The following MEX3D variants were observed in gnomAD, a reference collection of about 807,000 sequenced individuals.
The protein encoded by MEX3D is mex-3 RNA binding family member D, also known as RNA-binding protein MEX3D.
MEX3D carries 4 observed loss-of-function variants against 6.3 expected under a neutral mutation model. That is an observed-to-expected ratio of 0.64 (90% CI 0.31 to 1.46). The LOEUF is 1.46. Among genes scored for constraint, MEX3D ranks in the 40% most tolerant of loss-of-function variants. MEX3D has a pLI of 0.07. For synonymous variants in MEX3D, 626 were observed against 494.1 expected, an observed-to-expected ratio of 1.27 and a Z score of -3.54; for missense variants, 1,038 against 994.4, an observed-to-expected ratio of 1.04 and a Z score of -0.59.
chr19:1,560,452 G>A (rs1328887994), intron 1 of MEX3D, among the ~76,000 whole-genome samples: 3 of 152,226 alleles, frequency 2.0e-5, no homozygotes, highest in African/African-American at 7.2e-5. Context: ...GTGCAGCATG[G>A]GGTCCTCCCT....
chr19:1,567,309 A>C lies in MEX3D; in HGVS notation c.595+155T>G, dbSNP rs566809908. Among the ~76,000 whole-genome samples, 1 of 151,754 alleles carries C rather than the reference A, an allele frequency of 6.6e-6. No individual in the cohort carries two copies. The highest frequency in any genetic ancestry group is 2.1e-4 in the South Asian group (1 of 4,820). On this transcript the variant is annotated intron_variant, in intron 1 of 1. Coordinates refer to ENST00000402693, the MANE Select transcript of MEX3D (RefSeq NM_203304.4). The surrounding 1 kb of genome is among the most constrained non-coding windows in gnomAD (Gnocchi z 6.5). ...TTTCTCCCGCGGCGGCTGCAGGACA[A>C]AGGCGCAAAGGCAGCGGCCGAGGCC...
Position 1,568,304 on chromosome 19 carries a change from CGGCGGCCGA to C in MEX3D, c.-255_-247del, listed in dbSNP as rs1282237213. Among the ~76,000 whole-genome samples, 1 of 139,790 alleles carries C rather than the reference CGGCGGCCGA, an allele frequency of 7.2e-6. No individual in the cohort carries two copies. Among genetic ancestry groups the C allele is most frequent in the Non-Finnish European group, 1.6e-5 (1 of 63,504 alleles). 91.7% of individuals were successfully genotyped at this position (139,790 alleles called of 152,430 possible). A position where few individuals can be genotyped will look rare whatever the true frequency, so the allele number is the denominator to read the frequency against. On this transcript the variant is annotated 5_prime_UTR_variant, in exon 1 of 2. Coordinates refer to ENST00000402693, the MANE Select transcript of MEX3D (RefSeq NM_203304.4). ...GGCGGCGACGGCGGCGGCGGCTCCT[CGGCGGCCGA>C]GGCGGCGGCGGCGGCGCGGGACGCT...
intron 1 of MEX3D, among the ~76,000 whole-genome samples, chr19:1,560,888 G>A (rs1914700155): frequency 1.3e-5 from 2 of 152,206 alleles, no homozygotes; most frequent in Non-Finnish European, 2.9e-5. Context: ...CGGGGCTCCA[G>A]GAGTGATCCC....
chr19:1,567,882 G>C lies in MEX3D; in HGVS notation c.177C>G (p.Leu59=), dbSNP rs1914890303. 2 of 983,222 alleles carry C rather than the reference G, an allele frequency of 2.0e-6. No individual in the cohort carries two copies. The highest frequency in any genetic ancestry group is 1.8e-5 in the African/African-American group (1 of 56,450). 60.9% of individuals were successfully genotyped at this position (983,222 alleles called of 1,614,324 possible). A position where few individuals can be genotyped will look rare whatever the true frequency, so the allele number is the denominator to read the frequency against. Reference sequence around the variant, plus strand: ...CCGACAGCTGGTCCAGCGCCAGGCGGAGCGCGGCGGCCGCGTCGTCGGGTT... The same window carrying C: ...CCGACAGCTGGTCCAGCGCCAGGCGCAGCGCGGCGGCCGCGTCGTCGGGTT... ...PPEPDDAAAA[L]RLALDQLSAL... is the part of the protein sequence containing the mutation. Residue 59 remains leucine, a synonymous_variant, in exon 1 of 2, where the codon CTC becomes CTG. Coordinates refer to ENST00000402693, the MANE Select transcript of MEX3D (RefSeq NM_203304.4). This position sits in a 1 kb window ranked among gnomAD's most constrained non-coding sequence, Gnocchi z 6.5.
At chr19:1,566,989 G>A (rs954970860) in intron 1 of MEX3D, among the ~76,000 whole-genome samples, 1 of 152,180 alleles carries the variant, frequency 6.6e-6, no homozygotes, top group Non-Finnish European at 1.5e-5. Context: ...CCAGGCTGGA[G>A]ACTGAGACGT....
chr19:1,565,941 G>A (rs924052612), intron 1 of MEX3D, among the ~76,000 whole-genome samples: 3 of 152,348 alleles, frequency 2.0e-5, no homozygotes, highest in Admixed American at 6.5e-5. Flanking sequence ...GGACAAGCGC[G>A]TTCACAAAGA....
intron 1 of MEX3D, among the ~76,000 whole-genome samples, chr19:1,563,773 C>G (rs1166368671): frequency 1.3e-5 from 2 of 152,106 alleles, no homozygotes; most frequent in Non-Finnish European, 2.9e-5. Context: ...TCTTTGCTGA[C>G]CCACCAGAGA....
chr19:1,560,330 G>A (rs1914685647), intron 1 of MEX3D, among the ~76,000 whole-genome samples: 1 of 152,222 alleles, frequency 6.6e-6, no homozygotes, highest in South Asian at 2.1e-4. Context: ...GGCTGGGGAA[G>A]GAGGTGCCAC....
chr19:1,565,574 C>G (rs1423436409), intron 1 of MEX3D, among the ~76,000 whole-genome samples: 2 of 152,150 alleles, frequency 1.3e-5, no homozygotes, highest in Non-Finnish European at 2.9e-5. Context: ...CATCTTGCCC[C>G]AGAATCCTCT....
rs1914887707 is a variant in MEX3D at position 1,567,815 on chromosome 19, C to T, written c.244G>A (p.Ala82Thr). The stretch of plus-strand genomic sequence containing the variant: ...GCCGCCGCTGCGCCGTCCCCGGCCG[C>T]CCCCTCCTCGTCCGTGTCGCCAGCG... ...GGAGDTDEEG[A>T]AGDGAAAAGG... Residue 82 changes from alanine (A) to threonine (T), a missense_variant, in exon 1 of 2, where the codon GCG becomes ACG. Transcript: ENST00000402693. The surrounding 1 kb of genome is among the most constrained non-coding windows in gnomAD (Gnocchi z 6.5). 2 of 978,594 alleles carry T rather than the reference C, an allele frequency of 2.0e-6. No individual in the cohort carries two copies. Among genetic ancestry groups the T allele is most frequent in the South Asian group, 8.8e-5 (2 of 22,672 alleles). 60.6% of individuals were successfully genotyped at this position (978,594 alleles called of 1,614,324 possible). A position where few individuals can be genotyped will look rare whatever the true frequency, so the allele number is the denominator to read the frequency against.
rs780879266 is a variant in MEX3D at position 1,556,229 on chromosome 19, C to CCCGTTG, written c.1284_1289dup (p.Asn429_Gly430dup). The CCCGTTG allele has an allele frequency of 1.3e-4, 182 of 1,405,344 alleles. 3 individuals carry two copies. The South Asian group carries it at 2.4e-3, about 18-fold the overall frequency. 87.1% of individuals were successfully genotyped at this position (1,405,344 alleles called of 1,614,324 possible). The stretch of plus-strand genomic sequence containing the variant: ...GACCCTCCGCGCCGAAGGCGAAGCC[C>CCCGTTG]CCGTTGCCGGAGCCGCTGTAGGGGC... On this transcript the variant is annotated inframe_insertion, in exon 2 of 2. Transcript: ENST00000402693. The surrounding 1 kb of genome is among the most constrained non-coding windows in gnomAD (Gnocchi z 7.5).
Position 1,556,215 on chromosome 19 carries a change from C to G in MEX3D, c.1304G>C (p.Gly435Ala). The G allele has an allele frequency of 7.0e-7, 1 of 1,427,202 alleles. No homozygotes were observed. Among genetic ancestry groups the G allele is most frequent in the Non-Finnish European group, 9.2e-7 (1 of 1,091,316 alleles). The allele number at this position is 1,427,202 out of a possible 1,614,324, so 88.4% of individuals were successfully genotyped here. A position where few individuals can be genotyped will look rare whatever the true frequency, so the allele number is the denominator to read the frequency against. Reference protein sequence around the residue: ...SGSGNGGFAFGAEGPGAPVGT... With the variant: ...SGSGNGGFAFAAEGPGAPVGT... ...CACCGGGGCACCGGGACCCTCCGCGCCGAAGGCGAAGCCCCCGTTGCCGGA... is the reference window on the plus strand; with the variant it reads ...CACCGGGGCACCGGGACCCTCCGCGGCGAAGGCGAAGCCCCCGTTGCCGGA... Residue 435 changes from glycine (G) to alanine (A), a missense_variant, in exon 2 of 2, where the codon GGC becomes GCC. Transcript: ENST00000402693. This position sits in a 1 kb window ranked among gnomAD's most constrained non-coding sequence, Gnocchi z 7.5.
In MEX3D at chr19:1,568,308, G is replaced by T. The variant is rs1244977785; in HGVS notation, c.-250C>A. Among the ~76,000 whole-genome samples, 4 of 141,706 alleles carry T rather than the reference G, an allele frequency of 2.8e-5. No individual in the cohort carries two copies. The highest frequency in any genetic ancestry group is 4.3e-4 in the South Asian group (2 of 4,616). 93.0% of individuals were successfully genotyped at this position (141,706 alleles called of 152,430 possible). A position where few individuals can be genotyped will look rare whatever the true frequency, so the allele number is the denominator to read the frequency against. ...GCGACGGCGGCGGCGGCTCCTCGGC[G>T]GCCGAGGCGGCGGCGGCGGCGCGGG... On this transcript the variant is annotated 5_prime_UTR_variant, in exon 1 of 2. Coordinates refer to ENST00000402693, the MANE Select transcript of MEX3D (RefSeq NM_203304.4).
rs1914863739 is a variant in MEX3D, at chr19:1,567,188, C to G, written c.595+276G>C. On this transcript the variant is annotated intron_variant, in intron 1 of 1. Transcript: ENST00000402693. This position sits in a 1 kb window ranked among gnomAD's most constrained non-coding sequence, Gnocchi z 6.5. ...GGGCGGCCGAGGGCCTGGGCTGCGG[C>G]GCGGCTCCCCGGAGCCTTTCCGGGC... Among the ~76,000 whole-genome samples, 1 of 152,022 alleles carries G rather than the reference C, an allele frequency of 6.6e-6. No individual in the cohort carries two copies. Among genetic ancestry groups the G allele is most frequent in the East Asian group, 1.9e-4 (1 of 5,176 alleles).
intron 1 of MEX3D, among the ~76,000 whole-genome samples, chr19:1,558,122 ATC>A (rs1382429606): frequency 6.6e-6 from 1 of 151,328 alleles, no homozygotes; most frequent in Admixed American, 6.6e-5. Flanking sequence ...TACTTCGGGA[ATC>A]TGAGGCAGGA....
At position 1,555,962 on chromosome 19, in the gene MEX3D, C is replaced by T; in HGVS notation, c.1557G>A (p.Glu519=). Reference sequence around the variant, plus strand: ...GGAGCTCCAGGCGGAGGCCGCCGGGCTCGGGCAGCGTGGGCGAGTGGCGGG... The same window carrying T: ...GGAGCTCCAGGCGGAGGCCGCCGGGTTCGGGCAGCGTGGGCGAGTGGCGGG... The part of the protein sequence containing the change: ...GTPRHSPTLP[E]PGGLRLELPL... Residue 519 remains glutamate (E), a synonymous_variant, in exon 2 of 2, where the codon GAG becomes GAA. Transcript: ENST00000402693. The T allele has an allele frequency of 6.8e-6, 8 of 1,170,306 alleles. 1 individual carries two copies. The South Asian group carries it at 2.9e-4, about 42-fold the overall frequency. 72.5% of individuals were successfully genotyped at this position (1,170,306 alleles called of 1,614,324 possible).
At chr19:1,562,041 C>G (rs1435441338) in intron 1 of MEX3D, among the ~76,000 whole-genome samples, 1 of 151,730 alleles carries the variant, frequency 6.6e-6, no homozygotes. Context: ...ATGGGTGGAT[C>G]ACGAGGTCAG....
chr19:1,562,782 A>G (rs1914751804), intron 1 of MEX3D, among the ~76,000 whole-genome samples: 1 of 152,096 alleles, frequency 6.6e-6, no homozygotes, highest in Non-Finnish European at 1.5e-5. Flanking sequence ...TGGGAGGTGG[A>G]GGCAGGCGGA....
rs1914482678 is a variant in MEX3D, at chr19:1,555,218, T to C, written c.*345A>G. 4 of 1,132,950 alleles carry C rather than the reference T, an allele frequency of 3.5e-6. No homozygotes were observed. In the Admixed American group the frequency reaches 1.3e-4, roughly 36 times the overall value. 70.2% of individuals were successfully genotyped at this position (1,132,950 alleles called of 1,614,324 possible). A position where few individuals can be genotyped will look rare whatever the true frequency, so the allele number is the denominator to read the frequency against. On this transcript the variant is annotated 3_prime_UTR_variant, in exon 2 of 2. Coordinates refer to ENST00000402693, the MANE Select transcript of MEX3D (RefSeq NM_203304.4). Reference sequence around the variant, plus strand: ...ACGCTGAGCGCTGGAAAAGTCGTGTTTTTTGTTTTGCTTTTTTAAAGATCA... The same window carrying C: ...ACGCTGAGCGCTGGAAAAGTCGTGTCTTTTGTTTTGCTTTTTTAAAGATCA...
Sources: allele counts gnomAD v4.1 joint callset (sites outside exome capture counted in the v4.1 genomes callset), GRCh38; gene constraint gnomAD v4.1.1; non-coding constraint Gnocchi (gnomAD v3.1); transcripts MANE v1.5; gene names NCBI Gene and HGNC (gene_info 2026-07-23, HGNC 2026-07-21).